Variants in GNS observed in about 807,000 individuals in gnomAD.
The protein encoded by GNS is glucosamine (N-acetyl)-6-sulfatase.
Under a neutral mutation model 69.7 loss-of-function variants are expected in GNS, and 40 were observed. That is an observed-to-expected ratio of 0.57 (90% CI 0.45 to 0.75). GNS has a LOEUF of 0.75. Ranked by LOEUF, GNS falls within the 30% of genes least tolerant of loss-of-function variation. GNS has a pLI of 0.00. For missense variants in GNS, 565 were observed against 685.5 expected, an observed-to-expected ratio of 0.82 and a Z score of 1.96; for synonymous variants, 243 against 251.6, an observed-to-expected ratio of 0.97 and a Z score of 0.32.
intron 3 of GNS, among the ~76,000 whole-genome samples, chr12:64,746,492 G>A (rs1025135165): frequency 7.9e-5 from 12 of 152,188 alleles, no homozygotes; most frequent in Admixed American, 5.2e-4. Context: ...AATCTGAAAC[G>A]CAAAATACTT....
In GNS at chr12:64,742,847, G is replaced by A. The variant is rs145280127; in HGVS notation, c.792+294C>T. ...CAGTCCCGGCTATGCCAGGAGGGAG[G>A]AGAGTCAGCACAGAGGTTACCAGGA... On this transcript the variant is annotated intron_variant, in intron 6 of 13. Transcript: ENST00000258145. Among the ~76,000 whole-genome samples, 331 of 152,334 alleles carry A rather than the reference G, an allele frequency of 2.2e-3. 2 individuals are homozygous for A. The highest frequency in any genetic ancestry group is 7.1e-3 in the African/African-American group (296 of 41,566).
chr12:64,744,144 A>C (rs778385352), intron 5 of GNS, among the ~76,000 whole-genome samples: 2 of 152,200 alleles, frequency 1.3e-5, no homozygotes, highest in African/African-American at 4.8e-5. Flanking sequence ...ATGTTATCTA[A>C]GTAACCTCAT....
At chr12:64,746,406 T>C (rs1303139945) in intron 3 of GNS, among the ~76,000 whole-genome samples, 1 of 152,200 alleles carries the variant, frequency 6.6e-6, no homozygotes, top group Non-Finnish European at 1.5e-5. Flanking sequence ...AAGGAAATGT[T>C]CACTGGAGCA....
chr12:64,751,519 A>G (rs796791125), intron 2 of GNS, among the ~76,000 whole-genome samples: 14 of 152,334 alleles, frequency 9.2e-5, no homozygotes, highest in African/African-American at 3.4e-4. Context: ...TATTTGAAAT[A>G]GGCATCATAG....
rs1592504066 is a variant in GNS at position 64,743,205 on chromosome 12, T to C, written c.728A>G (p.Gln243Arg). 4 of 1,613,308 alleles carry C rather than the reference T, an allele frequency of 2.5e-6. No homozygotes were observed. Among genetic ancestry groups the C allele is most frequent in the East Asian group, 2.2e-5 (1 of 44,880 alleles). ...GACATTCTGGAAAGCCTTCTGGTAC[T>C]GAGGTGCAGCTGTCCAAGGCGAATG... ...APHSPWTAAP[Q>R]YQKAFQNVFA... is the part of the protein sequence containing the mutation. Residue 243 changes from glutamine (Q) to arginine (R), a missense_variant, in exon 6 of 14, where the codon CAG becomes CGG. Physicochemically the swap from Gln to Arg is conservative, Grantham distance 43. Transcript: ENST00000258145.
In GNS at chr12:64,759,232, G is replaced by A. The variant is rs749771186; in HGVS notation, c.45C>T (p.Ser15=). 15 of 1,543,332 alleles carry A rather than the reference G, an allele frequency of 9.7e-6. No individual in the cohort carries two copies. The South Asian group carries it at 1.1e-4, about 11-fold the overall frequency. The stretch of plus-strand genomic sequence containing the variant: ...GGCTGCAGGAGGGCAGGTGGCGGGG[G>A]CTGCCCCGCCGGAGCCGACCTGGGG... ...PLAPGRLRRG[S]PRHLPSCSPA... The change falls in exon 1 of 14, where the codon AGC becomes AGT. Residue 15 remains serine (S), a synonymous_variant. Transcript: ENST00000258145.
rs1215027488 is a variant in GNS, at chr12:64,715,606, T to C, written c.*1135A>G. On this transcript the variant is annotated 3_prime_UTR_variant, in exon 14 of 14. Coordinates refer to ENST00000258145, the MANE Select transcript of GNS (RefSeq NM_002076.4). ...TTTGACAGGGGAATACTGATAATCA[T>C]ACAAGACTCCAAAACTCAGGAAGAA... 6.5e-6 allele frequency: 1 copy of C among 154,242 alleles called. No individual in the cohort carries two copies. The highest frequency in any genetic ancestry group is 1.5e-5 in the Non-Finnish European group (1 of 68,198). 9.6% of individuals were successfully genotyped at this position (154,242 alleles called of 1,614,324 possible).
chr12:64,756,614 T>C (rs1870256334), intron 1 of GNS: 2 of 711,586 alleles, frequency 2.8e-6, no homozygotes, highest in South Asian at 1.5e-5. Flanking sequence ...GGATACTATG[T>C]ACAGCAGAGG....
chr12:64,750,320 T>C (rs1431600073), intron 2 of GNS, among the ~76,000 whole-genome samples: 1 of 152,040 alleles, frequency 6.6e-6, no homozygotes, highest in Non-Finnish European at 1.5e-5. Context: ...AGTGCTGAGA[T>C]TACAGGTGTG....
intron 2 of GNS, among the ~76,000 whole-genome samples, chr12:64,748,981 G>A (rs1317647412): frequency 2.6e-5 from 4 of 151,884 alleles, no homozygotes; most frequent in Non-Finnish European, 4.4e-5. Context: ...GCTGTGTCAC[G>A]CAGGCTGGAG....
At position 64,723,007 on chromosome 12, in the gene GNS, G is replaced by A. The variant is rs758467486; in HGVS notation, c.1307C>T (p.Ser436Phe). The change falls in exon 11 of 14, where the codon TCT becomes TTT. Residue 436 changes from serine to phenylalanine, a missense_variant and splice_region_variant. Coordinates refer to ENST00000258145, the MANE Select transcript of GNS (RefSeq NM_002076.4). ...PTCPSLSPGV[S>F]QCFPDCVCED... is the part of the protein sequence containing the mutation. Reference sequence around the variant, plus strand: ...AAGTTGATTCAAGCTATTACTCACAGATACGCCAGGACTCAGGGAAGGGCA... The same window carrying A: ...AAGTTGATTCAAGCTATTACTCACAAATACGCCAGGACTCAGGGAAGGGCA... 1.1e-5 allele frequency: 17 copies of A among 1,562,282 alleles called. No individual in the cohort carries two copies. Among genetic ancestry groups the A allele is most frequent in the Non-Finnish European group, 1.4e-5 (16 of 1,132,738 alleles).
intron 1 of GNS, among the ~76,000 whole-genome samples, chr12:64,753,825 GA>G (rs1870156702): frequency 1.3e-5 from 2 of 152,294 alleles, no homozygotes; most frequent in South Asian, 2.1e-4. Flanking sequence ...AGGCTGCCAA[GA>G]GACGCTAGAG....
intron 9 of GNS, 75 bp from the exon 10 acceptor site, chr12:64,729,132 T>G: frequency 2.5e-6 from 2 of 811,062 alleles, no homozygotes; most frequent in Non-Finnish European, 4.4e-6. Context: ...TAAAGTTCTC[T>G]TCCCCCCACC....
intron 8 of GNS, among the ~76,000 whole-genome samples, chr12:64,738,446 G>C (rs1869619954): frequency 6.6e-6 from 1 of 152,234 alleles, no homozygotes; most frequent in South Asian, 2.1e-4. Context: ...GAATTCAAAA[G>C]ACTGGCCTCA....
intron 2 of GNS, among the ~76,000 whole-genome samples, chr12:64,748,946 A>C (rs1201190265): frequency 6.6e-6 from 1 of 151,934 alleles, no homozygotes; most frequent in Non-Finnish European, 1.5e-5. Flanking sequence ...TTTTATTTTT[A>C]TTTATTTTTT....
rs1380541134 is a variant in GNS at position 64,716,698 on chromosome 12, AAG to A, written c.*41_*42del. 6.0e-6 allele frequency: 7 copies of A among 1,171,628 alleles called. No individual in the cohort carries two copies. Among genetic ancestry groups the A allele is most frequent in the Non-Finnish European group, 9.0e-6 (7 of 776,368 alleles). 72.6% of individuals were successfully genotyped at this position (1,171,628 alleles called of 1,614,324 possible). A position where few individuals can be genotyped will look rare whatever the true frequency, so the allele number is the denominator to read the frequency against. On this transcript the variant is annotated 3_prime_UTR_variant, in exon 14 of 14. Transcript: ENST00000258145. Reference sequence around the variant, plus strand: ...CACCTACTACAATCACTTCATCAGAAAGAGGCGTGCAGGGATCCATCTGCAGA... The same window carrying A: ...CACCTACTACAATCACTTCATCAGAAAGGCGTGCAGGGATCCATCTGCAGA...
intron 9 of GNS, among the ~76,000 whole-genome samples, chr12:64,735,646 G>A (rs1430669356): frequency 1.3e-5 from 2 of 152,212 alleles, no homozygotes; most frequent in Non-Finnish European, 2.9e-5. Flanking sequence ...CTTCCCATGT[G>A]GGCTGAGGTA....
chr12:64,736,453 G>T (rs936435044), intron 9 of GNS, among the ~76,000 whole-genome samples: 2 of 152,202 alleles, frequency 1.3e-5, no homozygotes, highest in African/African-American at 4.8e-5. Context: ...CCCGGGAGCT[G>T]ATCAGAAATG....
At position 64,743,254 on chromosome 12, in the gene GNS, T is replaced by C. The variant is rs901034074; in HGVS notation, c.679A>G (p.Met227Val). Residue 227 changes from methionine (M) to valine (V), a missense_variant, in exon 6 of 14, where the codon ATG becomes GTG. Met to Val is a conservative substitution (Grantham distance 21). Around this residue, in one of 2 missense-constraint regions of GNS, gnomAD observed 384 missense variants for 511.0 expected, o/e 0.75. Coordinates refer to ENST00000258145, the MANE Select transcript of GNS (RefSeq NM_002076.4). ...TGAGGCGCTGGAGTGGCGATCATCA[T>C]GAAGAAGGGCTCAAAGTTGGACTTG... ...DYKSNFEPFF[M>V]MIATPAPHSP... is the part of the protein sequence containing the mutation. 4 of 1,613,196 alleles carry C rather than the reference T, an allele frequency of 2.5e-6. No individual in the cohort carries two copies. The highest frequency in any genetic ancestry group is 2.2e-5 in the South Asian group (2 of 91,054).
Sources: gnomAD v4.1 joint callset for allele counts (sites outside exome capture counted in the v4.1 genomes callset) on GRCh38, gnomAD v4.1.1 for gene constraint, gnomAD v4.1.1 regional missense constraint, MANE v1.5 for transcripts, NCBI Gene and HGNC (gene_info 2026-07-23, HGNC 2026-07-21) for gene names.